The following LAMP5 variants were observed in gnomAD, a reference collection of about 807,000 sequenced individuals.
LAMP5 encodes the protein lysosome associated membrane protein 5, also known as lysosome-associated membrane glycoprotein 5.
LAMP5 carries 36 observed loss-of-function variants against 30.2 expected under a neutral mutation model. That is an observed-to-expected ratio of 1.19 (90% CI 0.91 to 1.57). The LOEUF (loss-of-function observed/expected upper bound fraction) is 1.57. LAMP5 is among the 40% of genes most tolerant of loss of function. The probability of loss-of-function intolerance (pLI) is 0.00; values close to 1 mark genes in which losing one functional copy is unlikely to be tolerated. For synonymous variants in LAMP5, 149 were observed against 134.6 expected (o/e 1.11, Z -0.74); for missense variants, 377 against 354.9 (o/e 1.06, Z -0.50).
intron 4 of LAMP5, 100 bp from the exon 5 acceptor site, chr20:9,517,940 G>A (rs1264393768): frequency 8.1e-6 from 8 of 990,776 alleles, no homozygotes; most frequent in South Asian, 1.6e-5. Context: ...GAGGACAGGA[G>A]GGGTGTGGTG....
chr20:9,514,845 C>CT lies in LAMP5; in HGVS notation c.-7dup. 6.2e-7 allele frequency: 1 copy of CT among 1,614,046 alleles called. No individual in the cohort carries two copies. The highest frequency in any genetic ancestry group is 8.5e-7 in the Non-Finnish European group (1 of 1,179,924). ...AGCACAGCCGGCCTCATTCGGGGCA[C>CT]TGCGAGTATGGATCTCCAAGGAAGA... On this transcript the variant is annotated 5_prime_UTR_variant, in exon 1 of 6. Transcript: ENST00000246070.
At chr20:9,517,906 C>T (rs1373848121) in intron 4 of LAMP5, 134 bp from the exon 5 acceptor site, 1 of 687,752 alleles carries the variant, frequency 1.5e-6, no homozygotes, top group Non-Finnish European at 2.5e-6. Flanking sequence ...ATTTGTAGAG[C>T]CCTAGCCCTG....
rs1173690421 is a variant in LAMP5 at position 9,523,534 on chromosome 20, G to A, written c.664+5306G>A. On this transcript the variant is annotated intron_variant, in intron 5 of 5. Coordinates refer to ENST00000246070, the MANE Select transcript of LAMP5 (RefSeq NM_012261.4). The stretch of plus-strand genomic sequence containing the variant: ...TTATGATTTTAGTGGGTACACTTGG[G>A]TTAAGAGTTGAGGAGACTTTTGTTG... 2.6e-5 allele frequency among the ~76,000 whole-genome samples: 4 copies of A among 152,198 alleles called. No homozygotes were observed. The East Asian group carries it at 7.7e-4, about 29-fold the overall frequency.
chr20:9,523,784 A>C (rs1284182730), intron 5 of LAMP5, among the ~76,000 whole-genome samples: 3 of 152,118 alleles, frequency 2.0e-5, no homozygotes, highest in Non-Finnish European at 4.4e-5. Flanking sequence ...AGCCAGATGT[A>C]GTCCGGGCTA....
intron 5 of LAMP5, among the ~76,000 whole-genome samples, chr20:9,521,709 G>A (rs1378416391): frequency 1.3e-5 from 2 of 152,126 alleles, no homozygotes; most frequent in Admixed American, 6.5e-5. Context: ...AATTCCCTTG[G>A]AGAGCCCCAT....
chr20:9,526,858 G>GTATA (rs1378670592), intron 5 of LAMP5, among the ~76,000 whole-genome samples: 12 of 90,646 alleles, frequency 1.3e-4, no homozygotes, highest in Non-Finnish European at 2.3e-4. Flanking sequence ...ATGTGTGTGT[G>GTATA]TGTATATATA....
intron 5 of LAMP5, among the ~76,000 whole-genome samples, chr20:9,519,736 G>C (rs575178661): frequency 6.6e-6 from 1 of 152,174 alleles, no homozygotes; most frequent in African/African-American, 2.4e-5. Context: ...CCAGGACCCT[G>C]CCATAAATGC....
intron 4 of LAMP5, among the ~76,000 whole-genome samples, chr20:9,517,504 C>G (rs1661824376): frequency 6.6e-6 from 1 of 152,072 alleles, no homozygotes; most frequent in African/African-American, 2.4e-5. Flanking sequence ...GTGGCACCAC[C>G]ATAGATCACC....
chr20:9,514,720 G>A lies in LAMP5; in HGVS notation c.-133G>A, dbSNP rs2045020987. 4.2e-6 allele frequency: 3 copies of A among 721,236 alleles called. No individual in the cohort carries two copies. The highest frequency in any genetic ancestry group is 4.7e-6 in the Non-Finnish European group (2 of 429,492). 44.7% of individuals were successfully genotyped at this position (721,236 alleles called of 1,614,324 possible). A position where few individuals can be genotyped will look rare whatever the true frequency, so the allele number is the denominator to read the frequency against. On this transcript the variant is annotated 5_prime_UTR_variant, in exon 1 of 6. Transcript: ENST00000246070. ...TCCTAGCTAGGCGCTCACAGAATAC[G>A]CGCTCCCTCCCTCCCCCTTCTCTGT...
At chr20:9,520,355 C>T (rs562732560) in intron 5 of LAMP5, among the ~76,000 whole-genome samples, 2 of 152,202 alleles carry the variant, frequency 1.3e-5, no homozygotes, top group South Asian at 2.1e-4. Flanking sequence ...TTCCTCTCAG[C>T]ACCTGCCCCG....
At chr20:9,518,772 T>G (rs114636806) in intron 5 of LAMP5, among the ~76,000 whole-genome samples, 2,722 of 152,348 alleles carry the variant, frequency 0.018, 82 homozygotes, top group African/African-American at 0.062. Context: ...AGTTGAAGAT[T>G]CTGCTGCTGT....
intron 5 of LAMP5, among the ~76,000 whole-genome samples, chr20:9,524,341 A>G (rs1255858343): frequency 1.3e-5 from 2 of 152,204 alleles, no homozygotes; most frequent in African/African-American, 4.8e-5. Flanking sequence ...CATGAGCAGC[A>G]TTGTTTTAAA....
intron 5 of LAMP5, 23 bp downstream of exon 5, chr20:9,518,251 G>A (rs1179648706): frequency 6.2e-7 from 1 of 1,606,970 alleles, no homozygotes; most frequent in East Asian, 2.2e-5. Context: ...GGGATGGAGG[G>A]GAAGAAGACC....
chr20:9,517,287 G>A (rs2045047340), intron 4 of LAMP5, among the ~76,000 whole-genome samples: 1 of 152,174 alleles, frequency 6.6e-6, no homozygotes, highest in Admixed American at 6.5e-5. Flanking sequence ...ACCTTCAGAG[G>A]GGATGTATGT....
At chr20:9,518,858 T>C (rs1354509341) in intron 5 of LAMP5, among the ~76,000 whole-genome samples, 1 of 152,104 alleles carries the variant, frequency 6.6e-6, no homozygotes, top group African/African-American at 2.4e-5. Context: ...ATCAAGTCTT[T>C]CCACCAAGCA....
chr20:9,518,282 G>A (rs1159960460), intron 5 of LAMP5, 54 bp downstream of exon 5: 11 of 1,540,860 alleles, frequency 7.1e-6, no homozygotes, highest in Non-Finnish European at 9.8e-6. Context: ...CAGGAAGGAT[G>A]AGAGAGGGAC....
intron 5 of LAMP5, among the ~76,000 whole-genome samples, chr20:9,519,646 T>C (rs1269841864): frequency 3.9e-5 from 6 of 152,254 alleles, no homozygotes; most frequent in Non-Finnish European, 5.9e-5. Context: ...TAATCAAGTA[T>C]AATTTGACTT....
chr20:9,525,490 C>A (rs1252321216), intron 5 of LAMP5, among the ~76,000 whole-genome samples: 1 of 152,194 alleles, frequency 6.6e-6, no homozygotes, highest in African/African-American at 2.4e-5. Context: ...AGTGGAAGAT[C>A]TGGGATCTGA....
chr20:9,518,197 T>C lies in LAMP5; in HGVS notation c.633T>C (p.Phe211=). The change falls in exon 5 of 6, where the codon TTT becomes TTC. Residue 211 remains phenylalanine, a synonymous_variant. Transcript: ENST00000246070. ...MILSAVHIQP[F]DIISDFVFSE... ...TGTCTGCGGTCCACATCCAACCTTT[T>C]GACATTATCTCAGATTTTGTCTTCA... The C allele has an allele frequency of 6.2e-7, 1 of 1,614,176 alleles. No homozygotes were observed. The highest frequency in any genetic ancestry group is 8.5e-7 in the Non-Finnish European group (1 of 1,180,022).
Sources: gnomAD v4.1 joint callset for allele counts (sites outside exome capture counted in the v4.1 genomes callset) on GRCh38, gnomAD v4.1.1 for gene constraint, MANE v1.5 for transcripts, NCBI Gene and HGNC (gene_info 2026-07-23, HGNC 2026-07-21) for gene names.